Variants in CDNF observed in about 807,000 individuals in gnomAD.
CDNF encodes the protein ARMET-like protein 1.
CDNF carries 9 observed loss-of-function variants against 14.8 expected under a neutral mutation model. The ratio of observed to expected loss-of-function variants is 0.61; its 90% confidence interval spans 0.37 to 1.06. CDNF has a LOEUF of 1.06. CDNF is among the 50% of genes least tolerant of loss of function. The pLI is 0.01. For missense variants in CDNF, 228 were observed against 228.4 expected (o/e 1.00, Z 0.01); for synonymous variants, 86 against 87.2 (o/e 0.99, Z 0.07).
At position 14,826,029 on chromosome 10, in the gene CDNF, G is replaced by GAGAAGAAGAAGAAGAAGAAGAAGA. The variant is rs57619992; in HGVS notation, c.244-433_244-410dup. ...GAAGCAGAAGCAGAAGAAGAAGAAGGAGAAGAAGAAGAAGAAGAAGAAGAA... is the reference window on the plus strand; with the variant it reads ...GAAGCAGAAGCAGAAGAAGAAGAAGGAGAAGAAGAAGAAGAAGAAGAAGAAGAAGAAGAAGAAGAAGAAGAAGAA... On this transcript the variant is annotated intron_variant, in intron 2 of 3. Coordinates refer to ENST00000465530, the MANE Select transcript of CDNF (RefSeq NM_001029954.3). Among the ~76,000 whole-genome samples, 64 of 86,204 alleles carry GAGAAGAAGAAGAAGAAGAAGAAGA rather than the reference G, an allele frequency of 7.4e-4. 2 individuals are homozygous for GAGAAGAAGAAGAAGAAGAAGAAGA. The highest frequency in any genetic ancestry group is 1.1e-3 in the East Asian group (3 of 2,792). The allele number at this position is 86,204 out of a possible 152,430, so 56.6% of individuals were successfully genotyped here. A position where few individuals can be genotyped will look rare whatever the true frequency, so the allele number is the denominator to read the frequency against.
chr10:14,834,596 T>G (rs1032117344), intron 1 of CDNF, among the ~76,000 whole-genome samples: 6 of 152,176 alleles, frequency 3.9e-5, no homozygotes, highest in Non-Finnish European at 8.8e-5. Flanking sequence ...ACCCAAAATT[T>G]TATCACAGCA....
Position 14,837,328 on chromosome 10 carries a change from C to T in CDNF, c.115+504G>A, listed in dbSNP as rs189601445. On this transcript the variant is annotated intron_variant, in intron 1 of 3. Coordinates refer to ENST00000465530, the MANE Select transcript of CDNF (RefSeq NM_001029954.3). ...CACTCTTTTGTATTCCTCTCTTTCC[C>T]AAGGAGTCAGTGTACTCCTTTGCAA... Among the ~76,000 whole-genome samples, 103 of 152,328 alleles carry T rather than the reference C, an allele frequency of 6.8e-4. 2 individuals carry two copies. The highest frequency in any genetic ancestry group is 6.6e-3 in the Admixed American group (101 of 15,306).
At chr10:14,829,939 T>C (rs948894362) in intron 1 of CDNF, among the ~76,000 whole-genome samples, 1 of 152,016 alleles carries the variant, frequency 6.6e-6, no homozygotes, top group Non-Finnish European at 1.5e-5. Flanking sequence ...ACGTTTCTAT[T>C]TGTTGTTGTT....
At chr10:14,834,324 G>C (rs1413509464) in intron 1 of CDNF, 7 of 151,654 alleles carry the variant, frequency 4.6e-5, no homozygotes, top group African/African-American at 1.7e-4. Flanking sequence ...CTGGGTGACA[G>C]AGTGAGGCTC....
At chr10:14,830,690 A>G (rs1308332266) in intron 1 of CDNF, among the ~76,000 whole-genome samples, 2 of 152,188 alleles carry the variant, frequency 1.3e-5, no homozygotes, top group Non-Finnish European at 2.9e-5. Context: ...TACTAAAAAT[A>G]CAAAAATTAG....
chr10:14,823,370 A>T (rs529053757), intron 3 of CDNF, among the ~76,000 whole-genome samples: 1 of 152,286 alleles, frequency 6.6e-6, no homozygotes, highest in East Asian at 1.9e-4. Flanking sequence ...GCATCGCCAA[A>T]ACATTAGGTA....
intron 1 of CDNF, among the ~76,000 whole-genome samples, chr10:14,836,627 G>T (rs1233755720): frequency 6.6e-6 from 1 of 152,172 alleles, no homozygotes; most frequent in Non-Finnish European, 1.5e-5. Context: ...AGAAAGCCAG[G>T]CTCCAATTAT....
At chr10:14,826,242 A>C (rs867982253) in intron 2 of CDNF, among the ~76,000 whole-genome samples, 5 of 151,908 alleles carry the variant, frequency 3.3e-5, no homozygotes, top group Admixed American at 6.6e-5. Flanking sequence ...GCAGCAGCAG[A>C]AGAAGCATAA....
chr10:14,837,596 CT>C (rs904721987), intron 1 of CDNF, among the ~76,000 whole-genome samples: 18 of 152,248 alleles, frequency 1.2e-4, no homozygotes, highest in African/African-American at 4.3e-4. Context: ...AACCCACCAG[CT>C]TTTACTGCTG....
intron 2 of CDNF, among the ~76,000 whole-genome samples, chr10:14,826,095 A>AAGAAGAAGCAGCAGC (rs1426555042): frequency 3.4e-5 from 3 of 87,542 alleles, no homozygotes; most frequent in Non-Finnish European, 7.0e-5. Flanking sequence ...GAAGAAGAAG[A>AAGAAGAAGCAGCAGC]AGCAGCAGCA....
At chr10:14,828,381 G>T (rs1833817072) in intron 1 of CDNF, 109 bp from the exon 2 acceptor site, 15 of 1,030,794 alleles carry the variant, frequency 1.5e-5, no homozygotes, top group Non-Finnish European at 1.9e-5. Context: ...GGGCATGGTG[G>T]CTTACCCCTG....
intron 1 of CDNF, among the ~76,000 whole-genome samples, chr10:14,831,729 C>T (rs746636470): frequency 5.9e-5 from 9 of 151,966 alleles, no homozygotes; most frequent in Non-Finnish European, 1.2e-4. Context: ...CGTGTGCCAC[C>T]ACACCCAGCT....
chr10:14,823,684 C>T (rs1833756430), intron 3 of CDNF, among the ~76,000 whole-genome samples: 1 of 152,184 alleles, frequency 6.6e-6, no homozygotes, highest in African/African-American at 2.4e-5. Flanking sequence ...CTCAACACCA[C>T]ACCTGGCTAA....
rs565190838 is a variant in CDNF at position 14,819,898 on chromosome 10, G to C, written c.*82C>G. The C allele has an allele frequency of 3.2e-5, 44 of 1,354,118 alleles. No individual in the cohort carries two copies. In the African/African-American group the frequency reaches 4.7e-4, roughly 14 times the overall value. 83.9% of individuals were successfully genotyped at this position (1,354,118 alleles called of 1,614,324 possible). On this transcript the variant is annotated 3_prime_UTR_variant, in exon 4 of 4. Transcript: ENST00000465530. ...TGAGACCAAATATGATGCATTCCCA[G>C]TTATCCTTAATCAACATGTCCATAT...
intron 1 of CDNF, among the ~76,000 whole-genome samples, chr10:14,835,580 GC>G: frequency 6.6e-6 from 1 of 152,174 alleles, no homozygotes; most frequent in Admixed American, 6.5e-5. Context: ...TGTCTTTATT[GC>G]TAAAATAACC....
In CDNF at chr10:14,820,032, A is replaced by C. The variant is rs747650414; in HGVS notation, c.512T>G (p.Ile171Ser). 1.2e-6 allele frequency: 2 copies of C among 1,614,100 alleles called. No individual in the cohort carries two copies. Among genetic ancestry groups the C allele is most frequent in the Admixed American group, 3.3e-5 (2 of 60,000 alleles). The change falls in exon 4 of 4, where the codon ATT (isoleucine) becomes AGT (serine). Residue 171 changes from isoleucine (I) to serine (S), a missense_variant. Coordinates refer to ENST00000465530, the MANE Select transcript of CDNF (RefSeq NM_001029954.3). ...CAEKTDYVNL[I>S]QELAPKYAAT... is the part of the protein sequence containing the mutation. ...TGCATACTTGGGGGCCAGCTCTTGA[A>C]TGAGATTCACATAGTCAGTTTTTTC...
chr10:14,837,898 A>G lies in CDNF; in HGVS notation c.49T>C (p.Leu17=). ...TGCGTCAGCACCGGGTGAGAGACCA[A>G]AAGCCCGGCGCAAAAGGCCACCACA... ...VAVVAFCAGL[L]VSHPVLTQGQ... is the part of the protein sequence containing the mutation. The change falls in exon 1 of 4, where the codon TTG becomes CTG. Residue 17 remains leucine, a synonymous_variant. Transcript: ENST00000465530. 6.2e-7 allele frequency: 1 copy of G among 1,607,662 alleles called. No homozygotes were observed. Among genetic ancestry groups the G allele is most frequent in the African/African-American group, 1.3e-5 (1 of 75,004 alleles).
At position 14,838,017 on chromosome 10, in the gene CDNF, G is replaced by T; in HGVS notation, c.-71C>A. On this transcript the variant is annotated 5_prime_UTR_variant, in exon 1 of 4. Coordinates refer to ENST00000465530, the MANE Select transcript of CDNF (RefSeq NM_001029954.3). ...CCACCAAGCTGCCAAAGCGAGCTGA[G>T]CAGAATTCGAGGTTGGAAAGAATCT... The T allele has an allele frequency of 8.4e-7, 1 of 1,188,000 alleles. No homozygotes were observed. The highest frequency in any genetic ancestry group is 1.2e-6 in the Non-Finnish European group (1 of 829,162). 73.6% of individuals were successfully genotyped at this position (1,188,000 alleles called of 1,614,324 possible). A position where few individuals can be genotyped will look rare whatever the true frequency, so the allele number is the denominator to read the frequency against.
chr10:14,824,554 C>T (rs146651941), intron 3 of CDNF, among the ~76,000 whole-genome samples: 24 of 142,006 alleles, frequency 1.7e-4, no homozygotes, highest in African/African-American at 6.5e-4. Flanking sequence ...TGCAGTGAGC[C>T]AAGATCGCAC....
Sources: allele counts gnomAD v4.1 joint callset (sites outside exome capture counted in the v4.1 genomes callset), GRCh38; gene constraint gnomAD v4.1.1; transcripts MANE v1.5; gene names NCBI Gene and HGNC (gene_info 2026-07-23, HGNC 2026-07-21).